TNRC6B: variants seen among roughly 807,000 people sequenced by gnomAD.
TNRC6B encodes trinucleotide repeat containing adaptor 6B, also known as trinucleotide repeat-containing gene 6B protein.
TNRC6B carries 52 observed loss-of-function variants against 203.6 expected under a neutral mutation model. The observed-to-expected ratio is 0.26, with a 90% CI of 0.20 to 0.32. TNRC6B has a LOEUF of 0.32. Among genes scored for constraint, TNRC6B ranks in the 10% least tolerant of loss-of-function variants. TNRC6B has a pLI of 1.00. For missense variants in TNRC6B, 1,923 were observed against 2,286.2 expected, an observed-to-expected ratio of 0.84 and a Z score of 3.24; for synonymous variants, 838 against 845.7, an observed-to-expected ratio of 0.99 and a Z score of 0.16.
intron 6 of TNRC6B, 140 bp downstream of exon 6, chr22:40,270,420 A>G: frequency 1.2e-6 from 1 of 859,908 alleles, no homozygotes; most frequent in Non-Finnish European, 1.5e-6. Context: ...TCCAGCTTCA[A>G]GCGATTCTCC....
intron 4 of TNRC6B, among the ~76,000 whole-genome samples, chr22:40,161,574 T>C (rs1470786206): frequency 6.6e-6 from 1 of 152,200 alleles, no homozygotes; most frequent in African/African-American, 2.4e-5. Flanking sequence ...AAGAGGCAGA[T>C]TAGGTAGCTG....
chr22:40,316,952 C>T (rs1224052637), intron 21 of TNRC6B, among the ~76,000 whole-genome samples: 1 of 152,122 alleles, frequency 6.6e-6, no homozygotes, highest in Non-Finnish European at 1.5e-5. Context: ...GTGGTATTTT[C>T]TGGTGATTTC....
chr22:40,066,928 A>T (rs866769972), intron 1 of TNRC6B, among the ~76,000 whole-genome samples: 11 of 148,896 alleles, frequency 7.4e-5, no homozygotes, highest in South Asian at 2.1e-4. Context: ...TTTTTGAGAC[A>T]GAGTTTCACT....
At chr22:40,138,043 G>T (rs943239997) in intron 3 of TNRC6B, among the ~76,000 whole-genome samples, 1 of 151,736 alleles carries the variant, frequency 6.6e-6, no homozygotes, top group African/African-American at 2.4e-5. Flanking sequence ...CCAACAGGCT[G>T]TAAAATGGAG....
chr22:40,180,614 T>C (rs1473894144), intron 1 of TNRC6B, among the ~76,000 whole-genome samples: 1 of 152,216 alleles, frequency 6.6e-6, no homozygotes, highest in Non-Finnish European at 1.5e-5. Context: ...TCCTTCTGGC[T>C]CACCAACACG....
chr22:40,292,847 A>T (rs909457363), intron 12 of TNRC6B, among the ~76,000 whole-genome samples: 1 of 152,244 alleles, frequency 6.6e-6, no homozygotes, highest in Non-Finnish European at 1.5e-5. Flanking sequence ...TTGTCAGTTT[A>T]TGGAACATAC....
intron 9 of TNRC6B, among the ~76,000 whole-genome samples, chr22:40,278,992 C>T (rs948408626): frequency 2.0e-5 from 3 of 152,236 alleles, no homozygotes; most frequent in Admixed American, 6.5e-5. Context: ...CCACCTTCCT[C>T]GCCTTCCCAA....
At chr22:40,316,056 A>G (rs757870708) in intron 21 of TNRC6B, 44 bp downstream of exon 21, 2 of 1,573,074 alleles carry the variant, frequency 1.3e-6, no homozygotes, top group Admixed American at 3.4e-5. Context: ...ACTTGATTGT[A>G]TTAAGAGAGA....
At chr22:40,056,095 CCT>C (rs2067792718) in intron 1 of TNRC6B, among the ~76,000 whole-genome samples, 3 of 152,084 alleles carry the variant, frequency 2.0e-5, no homozygotes, top group African/African-American at 7.2e-5. Flanking sequence ...TTTTTCTCTC[CCT>C]GTTACTCTTA....
At chr22:40,093,167 T>G (rs1311514880) in intron 1 of TNRC6B, among the ~76,000 whole-genome samples, 1 of 152,122 alleles carries the variant, frequency 6.6e-6, no homozygotes, top group Non-Finnish European at 1.5e-5. Context: ...GCAAACAACA[T>G]CATTGAATTT....
intron 1 of TNRC6B, chr22:40,106,643 GCAATATATGACTCTA>G: frequency 1.4e-6 from 1 of 737,830 alleles, no homozygotes; most frequent in African/African-American, 1.7e-5. Flanking sequence ...GTACCCCCAA[GCAATATATGACTCTA>G]CAATCCTCAG....
chr22:40,098,071 G>A (rs1157231276), intron 1 of TNRC6B, among the ~76,000 whole-genome samples: 2 of 152,000 alleles, frequency 1.3e-5, no homozygotes, highest in African/African-American at 2.4e-5. Context: ...GTGTGTAAGT[G>A]TATGTAAAAT....
At chr22:40,202,971 T>C (rs1229829687) in intron 1 of TNRC6B, among the ~76,000 whole-genome samples, 1 of 152,080 alleles carries the variant, frequency 6.6e-6, no homozygotes, top group African/African-American at 2.4e-5. Context: ...CTGAATTTAG[T>C]GAGGAGGACT....
intron 1 of TNRC6B, among the ~76,000 whole-genome samples, chr22:40,102,182 T>C (rs542153653): frequency 1.3e-5 from 2 of 152,364 alleles, no homozygotes; most frequent in South Asian, 4.1e-4. Context: ...GCTTTCTGAT[T>C]TACCTTTTTC....
intron 15 of TNRC6B, among the ~76,000 whole-genome samples, chr22:40,307,904 A>G (rs889466506): frequency 2.0e-5 from 3 of 152,068 alleles, no homozygotes; most frequent in African/African-American, 7.2e-5. Flanking sequence ...GGCCTAATAT[A>G]TAAAGACCCT....
chr22:40,292,203 G>A (rs569526342), intron 12 of TNRC6B, among the ~76,000 whole-genome samples: 26 of 142,624 alleles, frequency 1.8e-4, no homozygotes, highest in African/African-American at 5.5e-4. Flanking sequence ...CAAAAAAAAA[G>A]CCAGGCATGG....
In TNRC6B at chr22:40,280,034, C is replaced by T. The variant is rs887946732; in HGVS notation, c.3302C>T (p.Ala1101Val). 17 of 1,613,562 alleles carry T rather than the reference C, an allele frequency of 1.1e-5. No individual in the cohort carries two copies. The highest frequency in any genetic ancestry group is 6.7e-5 in the African/African-American group (5 of 74,830). The change falls in exon 10 of 23, where the codon GCG (alanine) becomes GTG (valine). Residue 1101 changes from alanine (A) to valine (V), a missense_variant. Ala to Val is a moderately conservative substitution (Grantham distance 64, BLOSUM62 0). Around this residue, in one of 8 missense-constraint regions of TNRC6B, gnomAD observed 599 missense variants for 656.5 expected, o/e 0.91. Transcript: ENST00000454349. ...AAAAAATTTGATGTGGACAAGCGAG[C>T]GATGAATCTCGGGGATTTTAATGAT... ...SDKKFDVDKRAMNLGDFNDIM... is the reference protein window; with the variant it reads ...SDKKFDVDKRVMNLGDFNDIM...
At chr22:40,147,387 A>G (rs1413319413) in intron 3 of TNRC6B, among the ~76,000 whole-genome samples, 2 of 152,196 alleles carry the variant, frequency 1.3e-5, no homozygotes, top group Non-Finnish European at 2.9e-5. Context: ...ATGGTTCCAC[A>G]GTATCTCAGT....
intron 1 of TNRC6B, among the ~76,000 whole-genome samples, chr22:40,078,863 CAG>C (rs1172228965): frequency 6.6e-6 from 1 of 151,866 alleles, no homozygotes; most frequent in Non-Finnish European, 1.5e-5. Flanking sequence ...CACCTGAAGT[CAG>C]GAGTTCAAGA....
Sources: gnomAD v4.1 joint callset for allele counts (sites outside exome capture counted in the v4.1 genomes callset) on GRCh38, gnomAD v4.1.1 for gene constraint, gnomAD v4.1.1 regional missense constraint, MANE v1.5 for transcripts, NCBI Gene and HGNC (gene_info 2026-07-23, HGNC 2026-07-21) for gene names.